Variants in B4GALNT3 observed in about 807,000 individuals in gnomAD.
B4GALNT3 encodes the protein beta-1,4-N-acetyl-galactosaminyltransferase 3, also known as beta-1,4-N-acetylgalactosaminyltransferase 3.
A neutral mutation model predicts 120.2 loss-of-function variants in B4GALNT3; 86 were observed. That is an observed-to-expected ratio of 0.72 (90% CI 0.60 to 0.86). B4GALNT3 has a LOEUF of 0.86. Ranked by LOEUF, B4GALNT3 falls within the 40% of genes least tolerant of loss-of-function variation. B4GALNT3 has a pLI of 0.00. For synonymous variants in B4GALNT3, 518 were observed against 510.4 expected (o/e 1.01, Z -0.20); for missense variants, 1,167 against 1,298.9 (o/e 0.90, Z 1.56).
chr12:506,705 C>T (rs1027626804), intron 1 of B4GALNT3, among the ~76,000 whole-genome samples: 2 of 152,046 alleles, frequency 1.3e-5, no homozygotes, highest in African/African-American at 4.8e-5. Flanking sequence ...GGCGCGGTCT[C>T]GGCTCACTGC....
At position 520,286 on chromosome 12, in the gene B4GALNT3, G is replaced by A. The variant is rs529280451; in HGVS notation, c.170-14880G>A. Among the ~76,000 whole-genome samples the A allele has an allele frequency of 2.0e-4, 31 of 152,258 alleles. No individual in the cohort carries two copies. The South Asian group carries it at 5.8e-3, about 28-fold the overall frequency. On this transcript the variant is annotated intron_variant, in intron 1 of 19. Transcript: ENST00000266383. The stretch of plus-strand genomic sequence containing the variant: ...GCAGTTCCCTCTGGTCCTTTGACCC[G>A]TGATTTTAGCAAATGTGTGAGGCTG...
chr12:514,404 A>C (rs542260690), intron 1 of B4GALNT3, among the ~76,000 whole-genome samples: 1 of 151,554 alleles, frequency 6.6e-6, no homozygotes, highest in Non-Finnish European at 1.5e-5. Context: ...TCACCGTGTT[A>C]GCCAGGATGG....
chr12:512,946 T>TCTTCCAC (rs1183156469), intron 1 of B4GALNT3, among the ~76,000 whole-genome samples: 18 of 116,676 alleles, frequency 1.5e-4, no homozygotes, highest in African/African-American at 5.5e-4. Context: ...CCTTCCACCT[T>TCTTCCAC]CTTCCACCTT....
At chr12:557,556 C>T (rs1001259477) in intron 15 of B4GALNT3, 52 bp from the exon 16 acceptor site, 2 of 1,568,046 alleles carry the variant, frequency 1.3e-6, no homozygotes, top group Non-Finnish European at 1.7e-6. Flanking sequence ...CGCTCATCCG[C>T]TCATCTTTGC....
chr12:525,094 A>ATTTG lies in B4GALNT3; in HGVS notation c.170-10069_170-10068insGTTT, dbSNP rs1422111127. 1.1e-4 allele frequency among the ~76,000 whole-genome samples: 16 copies of ATTTG among 151,182 alleles called. No individual in the cohort carries two copies. In the East Asian group the frequency reaches 2.9e-3, roughly 28 times the overall value. On this transcript the variant is annotated intron_variant, in intron 1 of 19. Coordinates refer to ENST00000266383, the MANE Select transcript of B4GALNT3 (RefSeq NM_173593.4). ...CTTCATAAATAACACAATTTTATTT[A>ATTTG]TTTATTTATTTATTTATTTATTTAT...
chr12:497,287 GGGATTACAGGCACGTGCCACCATGCCT>G (rs1403802666), intron 1 of B4GALNT3, among the ~76,000 whole-genome samples: 1 of 152,168 alleles, frequency 6.6e-6, no homozygotes, highest in Non-Finnish European at 1.5e-5. Context: ...CTGAGTAGCT[GGGATTACAGGCACGTGCCACCATGCCT>G]GGTTAATTTT....
rs202219145 is a variant in B4GALNT3, at chr12:553,712, G to T, written c.1789G>T (p.Ala597Ser). 1 of 1,614,064 alleles carries T rather than the reference G, an allele frequency of 6.2e-7. No homozygotes were observed. The highest frequency in any genetic ancestry group is 8.5e-7 in the Non-Finnish European group (1 of 1,179,940). The change falls in exon 14 of 20, where the codon GCA (alanine) becomes TCA (serine). Residue 597 changes from alanine to serine, a missense_variant. By Grantham distance (99) the Ala-to-Ser change is moderately conservative. Around this residue, in one of 3 missense-constraint regions of B4GALNT3, gnomAD observed 983 missense variants for 1,102.5 expected, o/e 0.89. Coordinates refer to ENST00000266383, the MANE Select transcript of B4GALNT3 (RefSeq NM_173593.4). The part of the protein sequence containing the change: ...WHGEEEVVAA[A>S]GQEGQVEGEE... ...TGGGGAGGAGGAAGTGGTGGCGGCC[G>T]CAGGCCAGGAAGGACAAGTGGAGGG...
At chr12:552,771 C>T in intron 13 of B4GALNT3, 1 of 552,728 alleles carries the variant, frequency 1.8e-6, no homozygotes, top group Non-Finnish European at 3.2e-6. Context: ...AGAGTGAGAG[C>T]CCGGGGGAGG....
intron 6 of B4GALNT3, among the ~76,000 whole-genome samples, chr12:545,970 A>C (rs1220447644): frequency 4.2e-4 from 17 of 40,440 alleles, no homozygotes; most frequent in African/African-American, 9.2e-4. Context: ...TGGGGAGGTG[A>C]GAGGAGTGGG....
At chr12:462,953 T>A (rs1946036454) in intron 1 of B4GALNT3, among the ~76,000 whole-genome samples, 1 of 152,110 alleles carries the variant, frequency 6.6e-6, no homozygotes, top group African/African-American at 2.4e-5. Context: ...AGGGGGTTGC[T>A]AGCATTCCCA....
chr12:480,137 G>C (rs551550737), intron 1 of B4GALNT3, among the ~76,000 whole-genome samples: 1 of 150,910 alleles, frequency 6.6e-6, no homozygotes, highest in Non-Finnish European at 1.5e-5. Context: ...GGATGGTCTC[G>C]ATCTCCTGAC....
chr12:531,127 C>A (rs1450684544), intron 1 of B4GALNT3, among the ~76,000 whole-genome samples: 1 of 152,136 alleles, frequency 6.6e-6, no homozygotes, highest in Admixed American at 6.6e-5. Flanking sequence ...TAAGCAATGC[C>A]TGGTTATTCA....
chr12:536,872 C>G (rs533920189), intron 3 of B4GALNT3, among the ~76,000 whole-genome samples: 23 of 152,322 alleles, frequency 1.5e-4, no homozygotes, highest in Admixed American at 2.6e-4. Flanking sequence ...ATGCCAATCC[C>G]CAGTCTTAAA....
chr12:469,729 A>T (rs1198132542), intron 1 of B4GALNT3, among the ~76,000 whole-genome samples: 2 of 151,990 alleles, frequency 1.3e-5, no homozygotes, highest in Non-Finnish European at 2.9e-5. Flanking sequence ...ATAGCCTCTC[A>T]CTCTGCTGCA....
At chr12:466,472 A>G (rs1946082351) in intron 1 of B4GALNT3, among the ~76,000 whole-genome samples, 1 of 152,226 alleles carries the variant, frequency 6.6e-6, no homozygotes, top group African/African-American at 2.4e-5. Context: ...TGTGGTCTCA[A>G]CTAGGCCAAC....
intron 1 of B4GALNT3, among the ~76,000 whole-genome samples, chr12:525,943 C>G (rs545113904): frequency 6.6e-6 from 1 of 152,342 alleles, no homozygotes; most frequent in African/African-American, 2.4e-5. Flanking sequence ...GCAGAACATT[C>G]TGCCTGAGGT....
At position 460,957 on chromosome 12, in the gene B4GALNT3, C is replaced by T. The variant is rs142635282; in HGVS notation, c.169+412C>T. On this transcript the variant is annotated intron_variant, in intron 1 of 19. Transcript: ENST00000266383. This position sits in a 1 kb window ranked among gnomAD's most constrained non-coding sequence, Gnocchi z 8.0. ...TAGGGATTCGGGTGCGGGATGCCCT[C>T]GGCCGTCCACACCCAGGCGCGCGCT... Among the ~76,000 whole-genome samples the T allele has an allele frequency of 1.5e-3, 234 of 152,294 alleles. No individual in the cohort carries two copies. Among genetic ancestry groups the T allele is most frequent in the Non-Finnish European group, 2.8e-3 (193 of 68,016 alleles).
intron 14 of B4GALNT3, 72 bp downstream of exon 14, chr12:554,055 C>A: frequency 1.8e-6 from 2 of 1,084,682 alleles, no homozygotes; most frequent in Non-Finnish European, 1.4e-6. Flanking sequence ...AGGCAGGGGC[C>A]TAAGGGCTGG....
At chr12:545,635 T>C (rs1356351168) in intron 6 of B4GALNT3, among the ~76,000 whole-genome samples, 166 bp downstream of exon 6, 2 of 144,074 alleles carry the variant, frequency 1.4e-5, no homozygotes, top group Non-Finnish European at 3.0e-5. Context: ...AGGGATAAAC[T>C]GAGGATGGGG....
Sources: gnomAD v4.1 joint callset for allele counts (sites outside exome capture counted in the v4.1 genomes callset) on GRCh38, gnomAD v4.1.1 for gene constraint, gnomAD v4.1.1 regional missense constraint, Gnocchi (gnomAD v3.1) non-coding constraint, MANE v1.5 for transcripts, NCBI Gene and HGNC (gene_info 2026-07-23, HGNC 2026-07-21) for gene names.